Variants in GPC6 observed in about 807,000 individuals in gnomAD.
GPC6 encodes glypican 6.
GPC6 carries 14 observed loss-of-function variants against 55.2 expected under a neutral mutation model. The ratio of observed to expected loss-of-function variants is 0.25; its 90% confidence interval spans 0.17 to 0.40. The LOEUF (loss-of-function observed/expected upper bound fraction) is 0.40, where lower values mean the gene tolerates loss of function less well. GPC6 is among the 10% of genes least tolerant of loss of function. The pLI, the probability that GPC6 is intolerant of heterozygous loss-of-function variation, is 1.00. For missense variants in GPC6, 641 were observed against 708.5 expected (o/e 0.90, Z 1.08); for synonymous variants, 278 against 259.6 (o/e 1.07, Z -0.68).
intron 4 of GPC6, among the ~76,000 whole-genome samples, chr13:94,098,993 G>A (rs145581269): frequency 2.6e-5 from 4 of 152,212 alleles, no homozygotes; most frequent in African/African-American, 7.2e-5. Flanking sequence ...CTACATGAAT[G>A]CATGATGACT....
At chr13:93,268,000 T>C (rs940504321) in intron 1 of GPC6, among the ~76,000 whole-genome samples, 7 of 152,234 alleles carry the variant, frequency 4.6e-5, no homozygotes, top group African/African-American at 1.7e-4. Flanking sequence ...TACTCATTCA[T>C]TGTAACCTTA....
At chr13:94,090,165 A>G (rs746930564) in intron 4 of GPC6, among the ~76,000 whole-genome samples, 1 of 152,142 alleles carries the variant, frequency 6.6e-6, no homozygotes. Context: ...GAGCAAAGGC[A>G]TGTCTTACAT....
chr13:93,781,180 G>A (rs1382375304), intron 2 of GPC6, among the ~76,000 whole-genome samples: 1 of 151,682 alleles, frequency 6.6e-6, no homozygotes, highest in East Asian at 1.9e-4. Context: ...AGAGGCTGAG[G>A]CAAGAGAATC....
intron 4 of GPC6, among the ~76,000 whole-genome samples, chr13:94,193,015 C>A (rs577644537): frequency 6.6e-6 from 1 of 151,910 alleles, no homozygotes; most frequent in Admixed American, 6.6e-5. Flanking sequence ...ACTAAGAGCT[C>A]TATGGGAAAA....
At chr13:93,789,639 A>G (rs1343476784) in intron 2 of GPC6, among the ~76,000 whole-genome samples, 1 of 100,060 alleles carries the variant, frequency 1.0e-5, no homozygotes, top group Non-Finnish European at 2.0e-5. Context: ...ATATATATAT[A>G]TATATAGTAT....
At chr13:93,264,483 C>A (rs1877257888) in intron 1 of GPC6, among the ~76,000 whole-genome samples, 1 of 152,152 alleles carries the variant, frequency 6.6e-6, no homozygotes, top group Non-Finnish European at 1.5e-5. Flanking sequence ...AATCATAGCT[C>A]CCTGCAGCCT....
intron 4 of GPC6, among the ~76,000 whole-genome samples, chr13:94,037,462 A>G (rs922285809): frequency 6.6e-6 from 1 of 151,998 alleles, no homozygotes; most frequent in Non-Finnish European, 1.5e-5. Flanking sequence ...TTCTATTTCT[A>G]TGGTTCTAGA....
At chr13:93,940,986 T>C (rs1878706897) in intron 3 of GPC6, among the ~76,000 whole-genome samples, 1 of 152,184 alleles carries the variant, frequency 6.6e-6, no homozygotes, top group African/African-American at 2.4e-5. Context: ...AAATCAGAAG[T>C]TAACATCAAA....
chr13:93,529,136 A>G (rs1566406328), intron 1 of GPC6, among the ~76,000 whole-genome samples: 2 of 152,126 alleles, frequency 1.3e-5, no homozygotes, highest in East Asian at 1.9e-4. Flanking sequence ...TACAAGAAAT[A>G]TTTTTACTTC....
At chr13:93,853,660 A>G (rs1034449006) in intron 3 of GPC6, among the ~76,000 whole-genome samples, 1 of 151,648 alleles carries the variant, frequency 6.6e-6, no homozygotes, top group African/African-American at 2.4e-5. Context: ...TTAAACTCAC[A>G]TGGTGGCAAT....
At chr13:94,307,708 T>G (rs1301078426) in intron 6 of GPC6, among the ~76,000 whole-genome samples, 1 of 152,212 alleles carries the variant, frequency 6.6e-6, no homozygotes, top group Non-Finnish European at 1.5e-5. Context: ...AAATAACTAG[T>G]CAGCTGTTTT....
intron 2 of GPC6, among the ~76,000 whole-genome samples, chr13:93,649,141 T>C (rs1425152098): frequency 6.6e-6 from 1 of 152,140 alleles, no homozygotes; most frequent in Non-Finnish European, 1.5e-5. Flanking sequence ...CCATTTCATT[T>C]GGTTCAATAA....
At chr13:93,573,360 C>A (rs1048839536) in intron 2 of GPC6, among the ~76,000 whole-genome samples, 1 of 151,856 alleles carries the variant, frequency 6.6e-6, no homozygotes, top group Non-Finnish European at 1.5e-5. Flanking sequence ...GGCCCTCTTT[C>A]AATAGAATAG....
In GPC6 at chr13:93,285,640, G is replaced by GTGTGTGTGTA. The variant is rs1555287712; in HGVS notation, c.160+58033_160+58034insATGTGTGTGT. Among the ~76,000 whole-genome samples the GTGTGTGTGTA allele has an allele frequency of 3.4e-3, 519 of 151,304 alleles. 2 individuals carry two copies. Among genetic ancestry groups the GTGTGTGTGTA allele is most frequent in the African/African-American group, 0.012 (501 of 41,088 alleles). ...GCTGTGTGTGTGTGTGTGTGTGTGT[G>GTGTGTGTGTA]TGTGTGTGTGTGTGTGTGTGTGTAT... On this transcript the variant is annotated intron_variant, in intron 1 of 8. Transcript: ENST00000377047.
At chr13:93,907,734 A>G (rs1157088158) in intron 3 of GPC6, among the ~76,000 whole-genome samples, 1 of 152,216 alleles carries the variant, frequency 6.6e-6, no homozygotes, top group Non-Finnish European at 1.5e-5. Flanking sequence ...TATCAGACTA[A>G]TAAAACGAGT....
intron 1 of GPC6, among the ~76,000 whole-genome samples, chr13:93,424,388 C>T (rs1232086418): frequency 6.6e-6 from 1 of 151,972 alleles, no homozygotes; most frequent in Non-Finnish European, 1.5e-5. Context: ...GGTTGGATCC[C>T]GGAGAGAAAC....
intron 4 of GPC6, among the ~76,000 whole-genome samples, chr13:94,133,714 A>AT (rs778394484): frequency 0.041 from 5,941 of 144,154 alleles, 140 homozygotes; most frequent in Admixed American, 0.055. Context: ...ACACAACAGC[A>AT]TTTTTTTTTT....
intron 4 of GPC6, among the ~76,000 whole-genome samples, chr13:94,047,903 G>C (rs1204992876): frequency 1.3e-5 from 2 of 152,068 alleles, no homozygotes; most frequent in African/African-American, 2.4e-5. Context: ...GCAGTTGATA[G>C]ATAATCCTCA....
chr13:94,031,073 T>C (rs564467851), intron 4 of GPC6, among the ~76,000 whole-genome samples: 2 of 150,736 alleles, frequency 1.3e-5, no homozygotes, highest in East Asian at 3.9e-4. Context: ...CATGTGCGTG[T>C]GCGTGTGCGT....
Sources: allele counts gnomAD v4.1 joint callset (sites outside exome capture counted in the v4.1 genomes callset), GRCh38; gene constraint gnomAD v4.1.1; transcripts MANE v1.5; gene names NCBI Gene and HGNC (gene_info 2026-07-23, HGNC 2026-07-21).